POLE: variants seen among roughly 807,000 people sequenced by gnomAD.
POLE encodes the protein DNA polymerase epsilon, catalytic subunit.
In POLE, 188 loss-of-function variants were observed where a neutral mutation model predicts 279.2. The observed-to-expected ratio is 0.67, with a 90% CI of 0.60 to 0.76. POLE has a LOEUF of 0.76. Ranked by LOEUF, POLE falls within the 30% of genes least tolerant of loss-of-function variation. The pLI, the probability that POLE is intolerant of heterozygous loss-of-function variation, is 0.00. For synonymous variants in POLE, 1,214 were observed against 1,172.5 expected (o/e 1.04, Z -0.72); for missense variants, 2,703 against 3,016.7 (o/e 0.90, Z 2.44).
chr12:132,656,949 G>A (rs536583064), intron 29 of POLE, among the ~76,000 whole-genome samples, 187 bp downstream of exon 29: 5 of 152,314 alleles, frequency 3.3e-5, no homozygotes, highest in African/African-American at 9.6e-5. Flanking sequence ...TCACAATGGT[G>A]TCCTATTAAC....
At chr12:132,643,191 C>A in intron 35 of POLE, 33 bp downstream of exon 35, 1 of 1,600,926 alleles carries the variant, frequency 6.2e-7, no homozygotes, top group Non-Finnish European at 8.6e-7. Flanking sequence ...CCTGCCCCAG[C>A]CAATGTGCTG....
rs201001790 is a variant in POLE, at chr12:132,639,135, G to A, written c.5542C>T (p.Leu1848Phe). 6.2e-5 allele frequency: 100 copies of A among 1,613,976 alleles called. 1 individual carries two copies. Among genetic ancestry groups the A allele is most frequent in the Non-Finnish European group, 8.5e-6 (10 of 1,179,956 alleles). ...AGGAGGAGCACTCACTGCAGGAAGA[G>A]CTTCTTCATCATGTTGTGGAGTGTG... ...HRTLHNMMKK[L>F]FLQLIAEFKR... The change falls in exon 40 of 49, where the codon CTC becomes TTC. Residue 1848 changes from leucine (L) to phenylalanine (F), a missense_variant. Leu to Phe is a conservative substitution (Grantham distance 22, BLOSUM62 0). Transcript: ENST00000320574. This position sits in a 1 kb window ranked among gnomAD's most constrained non-coding sequence, Gnocchi z 4.7.
At chr12:132,673,412 G>A (rs1429503295) in intron 13 of POLE, 135 bp from the exon 14 acceptor site, 17 of 1,193,464 alleles carry the variant, frequency 1.4e-5, no homozygotes, top group Non-Finnish European at 2.1e-5. Flanking sequence ...GACAAAACAC[G>A]TGTGTCCCGG....
rs536917758 is a variant in POLE at position 132,643,314 on chromosome 12, G to A, written c.4461C>T (p.Ile1487=). 2.5e-6 allele frequency: 4 copies of A among 1,614,050 alleles called. No homozygotes were observed. The highest frequency in any genetic ancestry group is 3.4e-6 in the Non-Finnish European group (4 of 1,180,016). Residue 1487 remains isoleucine (I), a synonymous_variant, in exon 35 of 49, where the codon ATC becomes ATT. Coordinates refer to ENST00000320574, the MANE Select transcript of POLE (RefSeq NM_006231.4). The stretch of plus-strand genomic sequence containing the variant: ...GGGCCTGTGCGTGGTGGTACAGGTA[G>A]ATATGGCGGATACTCCCTGGAGAAG... ...SYLEPGSIRH[I]YLYHHAQAHK...
intron 26 of POLE, among the ~76,000 whole-genome samples, chr12:132,658,881 CAAAAA>C (rs1167117347): frequency 8.6e-4 from 29 of 33,834 alleles, no homozygotes; most frequent in African/African-American, 1.8e-3. Context: ...ATATAACCAC[CAAAAA>C]AAAAAAAAAA....
At chr12:132,666,061 A>C (rs375314855) in intron 20 of POLE, among the ~76,000 whole-genome samples, 1 of 152,146 alleles carries the variant, frequency 6.6e-6, no homozygotes, top group East Asian at 1.9e-4. Flanking sequence ...ATGACCCAAC[A>C]ACTCTACTGC....
chr12:132,634,073 G>T lies in POLE; in HGVS notation c.6004+113C>A. 1.0e-6 allele frequency: 1 copy of T among 1,000,344 alleles called. No homozygotes were observed. The highest frequency in any genetic ancestry group is 1.5e-6 in the Non-Finnish European group (1 of 667,638). 62.0% of individuals were successfully genotyped at this position (1,000,344 alleles called of 1,614,324 possible). On this transcript the variant is annotated intron_variant, in intron 43 of 48. Coordinates refer to ENST00000320574, the MANE Select transcript of POLE (RefSeq NM_006231.4). This position sits in a 1 kb window ranked among gnomAD's most constrained non-coding sequence, Gnocchi z 4.0. ...AAGTCCCAACTGCTGGGCAGGCTCCGCCCGATCTGATTTTCCCTGTCTCCC... is the reference window on the plus strand; with the variant it reads ...AAGTCCCAACTGCTGGGCAGGCTCCTCCCGATCTGATTTTCCCTGTCTCCC...
chr12:132,652,281 T>C (rs1307508950), intron 29 of POLE, among the ~76,000 whole-genome samples: 3 of 151,344 alleles, frequency 2.0e-5, no homozygotes, highest in Non-Finnish European at 4.4e-5. Context: ...AGCATCATAG[T>C]CTCCTGAGTT....
chr12:132,631,669 C>G (rs2041936495), intron 45 of POLE, among the ~76,000 whole-genome samples: 1 of 152,132 alleles, frequency 6.6e-6, no homozygotes, highest in Non-Finnish European at 1.5e-5. Flanking sequence ...TTGGACTCAG[C>G]CTGCCTTTCC....
chr12:132,669,835 T>TTTGTGG (rs2042885248), intron 16 of POLE, among the ~76,000 whole-genome samples: 1 of 152,134 alleles, frequency 6.6e-6, no homozygotes, highest in Non-Finnish European at 1.5e-5. Flanking sequence ...GCCCAACAGG[T>TTTGTGG]GACCCTTCAG....
intron 1 of POLE, among the ~76,000 whole-genome samples, chr12:132,682,780 C>T (rs1408576917): frequency 5.9e-5 from 9 of 151,642 alleles, no homozygotes; most frequent in African/African-American, 1.9e-4. Flanking sequence ...GGTGAAACCC[C>T]GTCTCTACTA....
In POLE at chr12:132,672,705, A is replaced by T. The variant is rs763078534; in HGVS notation, c.1608T>A (p.Ser536=). 2.5e-6 allele frequency: 4 copies of T among 1,614,178 alleles called. No individual in the cohort carries two copies. Among genetic ancestry groups the T allele is most frequent in the Non-Finnish European group, 3.4e-6 (4 of 1,180,042 alleles). ...CCACGTGGCCCCCGACGTAGGTCTC[A>T]GAGTCCAGCACGTGTCCGTCGTCCG... ...KLTDDGHVLD[S]ETYVGGHVEA... is the part of the protein sequence containing the mutation. Residue 536 remains serine (S), a synonymous_variant, in exon 15 of 49, where the codon TCT becomes TCA. Transcript: ENST00000320574.
Position 132,642,266 on chromosome 12 carries a change from C to T in POLE, c.5084G>A (p.Gly1695Asp), listed in dbSNP as rs920535000. The change falls in exon 38 of 49, where the codon GGT becomes GAT. Residue 1695 changes from glycine to aspartate, a missense_variant. Coordinates refer to ENST00000320574, the MANE Select transcript of POLE (RefSeq NM_006231.4). ...WLSPTARPDL[G>D]GKEADDNCLV... is the part of the protein sequence containing the mutation. Reference sequence around the variant, plus strand: ...ACAGTTGTCATCAGCCTCCTTTCCACCCAGGTCAGGGCGGGCTGTAGGGGA... The same window carrying T: ...ACAGTTGTCATCAGCCTCCTTTCCATCCAGGTCAGGGCGGGCTGTAGGGGA... 8 of 1,611,362 alleles carry T rather than the reference C, an allele frequency of 5.0e-6. No homozygotes were observed. In the Admixed American group the frequency reaches 1.0e-4, roughly 20 times the overall value.
At chr12:132,657,497 G>A in intron 27 of POLE, 68 bp from the exon 28 acceptor site, 1 of 1,284,386 alleles carries the variant, frequency 7.8e-7, no homozygotes, top group South Asian at 1.2e-5. Flanking sequence ...CTCACTTCAT[G>A]CTGAGCACAG....
chr12:132,659,326 G>A lies in POLE; in HGVS notation c.3244C>T (p.Arg1082Cys), dbSNP rs745349336. 8 of 1,612,686 alleles carry A rather than the reference G, an allele frequency of 5.0e-6. No individual in the cohort carries two copies. Among genetic ancestry groups the A allele is most frequent in the Middle Eastern group, 1.7e-4 (1 of 6,060 alleles). Reference protein sequence around the residue: ...AGLSCRYIISRKPEGSPVTER... With the variant: ...AGLSCRYIISCKPEGSPVTER... The stretch of plus-strand genomic sequence containing the variant: ...GTGACAGGGGAGCCCTCGGGCTTGC[G>A]GGAGATGATGTAGCGGCAACTCAGC... Residue 1082 changes from arginine to cysteine, a missense_variant, in exon 26 of 49, where the codon CGC becomes TGC. Transcript: ENST00000320574.
chr12:132,641,552 C>T (rs2042141543), intron 39 of POLE, 95 bp downstream of exon 39: 10 of 1,028,798 alleles, frequency 9.7e-6, no homozygotes, highest in Middle Eastern at 2.1e-4. Flanking sequence ...CTAAGGGAAG[C>T]CCAATGGACC....
Position 132,664,390 on chromosome 12 carries a change from C to T in POLE, c.2541G>A (p.Arg847=), listed in dbSNP as rs1370820664. 1.2e-6 allele frequency: 2 copies of T among 1,613,868 alleles called. No homozygotes were observed. Among genetic ancestry groups the T allele is most frequent in the Non-Finnish European group, 1.7e-6 (2 of 1,179,978 alleles). ...FTGANIITQA[R]ELIEQIGRPL... is the part of the protein sequence containing the mutation. Reference sequence around the variant, plus strand: ...CTCACCCAATCTGCTCGATCAGCTCCCGTGCCTGGGTGATGATGTTGGCCC... The same window carrying T: ...CTCACCCAATCTGCTCGATCAGCTCTCGTGCCTGGGTGATGATGTTGGCCC... Residue 847 remains arginine (R), a synonymous_variant, in exon 22 of 49, where the codon CGG becomes CGA. Coordinates refer to ENST00000320574, the MANE Select transcript of POLE (RefSeq NM_006231.4). The surrounding 1 kb of genome is among the most constrained non-coding windows in gnomAD (Gnocchi z 5.3).
intron 1 of POLE, among the ~76,000 whole-genome samples, chr12:132,686,373 C>G (rs1220849864): frequency 1.3e-5 from 2 of 152,060 alleles, no homozygotes; most frequent in Non-Finnish European, 2.9e-5. Flanking sequence ...ACCTCCGGCT[C>G]GGATTCGGGA....
intron 1 of POLE, 73 bp from the exon 2 acceptor site, chr12:132,681,352 C>T (rs1329783011): frequency 4.0e-5 from 57 of 1,440,818 alleles, no homozygotes; most frequent in Non-Finnish European, 5.1e-5. Context: ...TCTTTTTTTT[C>T]TTTTTTTTTG....
Sources: gnomAD v4.1 joint callset for allele counts (sites outside exome capture counted in the v4.1 genomes callset) on GRCh38, gnomAD v4.1.1 for gene constraint, Gnocchi (gnomAD v3.1) non-coding constraint, MANE v1.5 for transcripts, NCBI Gene and HGNC (gene_info 2026-07-23, HGNC 2026-07-21) for gene names.